The following ASB15 variants were observed in gnomAD, a reference collection of about 807,000 sequenced individuals.
ASB15 encodes the protein ankyrin repeat and SOCS box containing 15.
ASB15 carries 54 observed loss-of-function variants against 58.0 expected under a neutral mutation model. That is an observed-to-expected ratio of 0.93 (90% CI 0.75 to 1.17). The LOEUF is 1.17. Ranked by LOEUF, ASB15 falls within the 50% of genes most tolerant of loss-of-function variation. The pLI is 0.00. For synonymous variants in ASB15, 249 were observed against 262.4 expected (o/e 0.95, Z 0.50); for missense variants, 680 against 707.4 (o/e 0.96, Z 0.44).
At chr7:123,614,887 G>T (rs1195688441) in intron 4 of ASB15, among the ~76,000 whole-genome samples, 1 of 152,128 alleles carries the variant, frequency 6.6e-6, no homozygotes, top group Non-Finnish European at 1.5e-5. Context: ...AATTAATATA[G>T]ATTAACAAAG....
At chr7:123,619,562 T>C (rs186639111) in intron 7 of ASB15, among the ~76,000 whole-genome samples, 1,659 of 152,134 alleles carry the variant, frequency 0.011, 24 homozygotes, top group African/African-American at 0.033. Flanking sequence ...CTCGCTCTGT[T>C]GCCCAGGCTG....
At chr7:123,584,472 G>C (rs560021268) in intron 1 of ASB15, among the ~76,000 whole-genome samples, 1 of 152,038 alleles carries the variant, frequency 6.6e-6, no homozygotes, top group Non-Finnish European at 1.5e-5. Flanking sequence ...CTCTATGGAA[G>C]TCACACTTAA....
At position 123,629,289 on chromosome 7, in the gene ASB15, T is replaced by C. The variant is rs1174552121; in HGVS notation, c.1295T>C (p.Leu432Pro). The C allele has an allele frequency of 8.1e-6, 13 of 1,614,156 alleles. No individual in the cohort carries two copies. The highest frequency in any genetic ancestry group is 1.1e-5 in the Non-Finnish European group (13 of 1,179,994). Residue 432 changes from leucine (L) to proline (P), a missense_variant, in exon 10 of 12, where the codon CTG becomes CCG. Leu to Pro is a moderately conservative substitution (Grantham distance 98). Coordinates refer to ENST00000451215, the MANE Select transcript of ASB15 (RefSeq NM_001290258.2). ...IQYALNDEVM[L>P]RLLLNNGYQV... Reference sequence around the variant, plus strand: ...TATGCTCTAAACGACGAGGTAATGCTGAGGCTATTGCTGAATAATGGCTAT... The same window carrying C: ...TATGCTCTAAACGACGAGGTAATGCCGAGGCTATTGCTGAATAATGGCTAT...
chr7:123,635,970 C>T (rs1381108518), intron 11 of ASB15, among the ~76,000 whole-genome samples: 2 of 151,962 alleles, frequency 1.3e-5, no homozygotes, highest in Admixed American at 6.6e-5. Flanking sequence ...TAATATTTAT[C>T]GAATGGTTAC....
At chr7:123,580,270 C>T (rs759150013) in intron 1 of ASB15, among the ~76,000 whole-genome samples, 4 of 151,992 alleles carry the variant, frequency 2.6e-5, no homozygotes, top group Non-Finnish European at 5.9e-5. Flanking sequence ...AGATGAAGTC[C>T]TCAGGTGCAT....
chr7:123,593,113 C>T (rs118132889), intron 1 of ASB15, among the ~76,000 whole-genome samples: 2,351 of 151,426 alleles, frequency 0.016, 24 homozygotes, highest in Non-Finnish European at 0.023. Context: ...TTTTTACTTT[C>T]CATTTGTTTG....
At position 123,637,507 on chromosome 7, in the gene ASB15, C is replaced by T. The variant is rs187729644; in HGVS notation, c.*526C>T. 6.5e-6 allele frequency: 1 copy of T among 152,864 alleles called. No individual in the cohort carries two copies. The highest frequency in any genetic ancestry group is 6.5e-5 in the Admixed American group (1 of 15,300). 9.5% of individuals were successfully genotyped at this position (152,864 alleles called of 1,614,324 possible). On this transcript the variant is annotated 3_prime_UTR_variant, in exon 12 of 12. Coordinates refer to ENST00000451215, the MANE Select transcript of ASB15 (RefSeq NM_001290258.2). ...ATTCCTACAGCATCTAACATTGTTG[C>T]CTGTTCCTTGCTTGAAATGATATCT...
intron 7 of ASB15, among the ~76,000 whole-genome samples, chr7:123,618,686 A>G (rs372374614): frequency 6.6e-6 from 1 of 152,064 alleles, no homozygotes; most frequent in African/African-American, 2.4e-5. Flanking sequence ...ACAGAGAAAG[A>G]CGTTAAAGGT....
intron 7 of ASB15, among the ~76,000 whole-genome samples, chr7:123,619,236 A>G (rs1447316761): frequency 1.3e-5 from 2 of 149,190 alleles, no homozygotes; most frequent in Admixed American, 1.3e-4. Flanking sequence ...TGTCCTGGGT[A>G]GTGTGGATAT....
At chr7:123,576,802 GT>G (rs1393022502) in intron 1 of ASB15, among the ~76,000 whole-genome samples, 1 of 152,138 alleles carries the variant, frequency 6.6e-6, no homozygotes, top group East Asian at 1.9e-4. Flanking sequence ...CTGCCACTAG[GT>G]TTTCTCACCA....
At chr7:123,630,337 C>T (rs1456433943) in intron 11 of ASB15, among the ~76,000 whole-genome samples, 1 of 152,064 alleles carries the variant, frequency 6.6e-6, no homozygotes, top group Admixed American at 6.6e-5. Flanking sequence ...AGTAATACTA[C>T]AGCTATATTA....
chr7:123,581,498 G>A (rs1006777886), intron 1 of ASB15, among the ~76,000 whole-genome samples: 2 of 151,158 alleles, frequency 1.3e-5, no homozygotes, highest in African/African-American at 4.9e-5. Context: ...AAGTCCTAAG[G>A]GCACATTTTT....
At chr7:123,623,872 A>AAAAAAAAAAG (rs1554395606) in intron 7 of ASB15, among the ~76,000 whole-genome samples, 3 of 99,620 alleles carry the variant, frequency 3.0e-5, no homozygotes, top group Non-Finnish European at 6.1e-5. Context: ...TCAAAAAAAA[A>AAAAAAAAAAG]AAAAGAAAAG....
At chr7:123,585,369 A>G (rs528697953) in intron 1 of ASB15, among the ~76,000 whole-genome samples, 13 of 151,902 alleles carry the variant, frequency 8.6e-5, no homozygotes, top group African/African-American at 2.9e-4. Flanking sequence ...CTTAATTTAG[A>G]GCACACTAGG....
In ASB15 at chr7:123,617,657, T is replaced by A. The variant is rs976740508; in HGVS notation, c.371T>A (p.Val124Glu). ...PLTLAVKAGL[V>E]ENVRTLLEKG... ...ACTTTGGCAGTCAAAGCTGGTCTGG[T>A]GGAAAATGTAAGAACTTTATTAGAA... The change falls in exon 7 of 12, where the codon GTG becomes GAG. Residue 124 changes from valine (V) to glutamate (E), a missense_variant. By Grantham distance (121) the Val-to-Glu change is moderately radical. Transcript: ENST00000451215. 2 of 1,611,226 alleles carry A rather than the reference T, an allele frequency of 1.2e-6. No individual in the cohort carries two copies. The highest frequency in any genetic ancestry group is 2.7e-5 in the African/African-American group (2 of 74,858).
At chr7:123,627,338 A>G (rs1801862768) in intron 9 of ASB15, 57 bp downstream of exon 9, 4 of 1,433,678 alleles carry the variant, frequency 2.8e-6, no homozygotes, top group Non-Finnish European at 3.8e-6. Context: ...TTGTATATAC[A>G]GTATAATCAC....
chr7:123,613,407 A>G (rs1800585627), intron 3 of ASB15, among the ~76,000 whole-genome samples: 1 of 152,220 alleles, frequency 6.6e-6, no homozygotes, highest in Non-Finnish European at 1.5e-5. Flanking sequence ...CAGTCAACTC[A>G]GCTATAGAAA....
At chr7:123,628,712 G>A (rs1021493052) in intron 9 of ASB15, 152 bp from the exon 10 acceptor site, 11 of 502,124 alleles carry the variant, frequency 2.2e-5, no homozygotes, top group Middle Eastern at 5.2e-4. Flanking sequence ...GTTGTACCTC[G>A]GCAGACAAAG....
intron 1 of ASB15, among the ~76,000 whole-genome samples, chr7:123,602,340 G>T (rs1348519121): frequency 1.3e-5 from 2 of 151,914 alleles, no homozygotes; most frequent in Admixed American, 6.6e-5. Flanking sequence ...AATGCTTTCT[G>T]CCCAGATTGA....
Sources: allele counts gnomAD v4.1 joint callset (sites outside exome capture counted in the v4.1 genomes callset), GRCh38; gene constraint gnomAD v4.1.1; transcripts MANE v1.5; gene names NCBI Gene and HGNC (gene_info 2026-07-23, HGNC 2026-07-21).